CNOT10: variants seen among roughly 807,000 people sequenced by gnomAD.
CNOT10 encodes CCR4-NOT transcription complex subunit 10, also known as CCR4-NOT transcription complex, subunit 10.
In CNOT10, 30 loss-of-function variants were observed where a neutral mutation model predicts 94.6. The ratio of observed to expected loss-of-function variants is 0.32; its 90% CI spans 0.24 to 0.43. CNOT10 has a LOEUF of 0.43. CNOT10 is among the 20% of genes least tolerant of loss of function. The pLI, the probability that CNOT10 is intolerant of heterozygous loss-of-function variation, is 1.00. For synonymous variants in CNOT10, 289 were observed against 301.6 expected, an observed-to-expected ratio of 0.96 and a Z score of 0.43; for missense variants, 759 against 877.2, an observed-to-expected ratio of 0.87 and a Z score of 1.70.
chr3:32,715,988 G>A, intron 5 of CNOT10: 1 of 342,226 alleles, frequency 2.9e-6, no homozygotes, highest in Non-Finnish European at 5.3e-6. Context: ...TGTATTTTTT[G>A]TAGAGATGCG....
chr3:32,698,190 T>C (rs1697167275), intron 1 of CNOT10, among the ~76,000 whole-genome samples: 1 of 152,234 alleles, frequency 6.6e-6, no homozygotes, highest in Admixed American at 6.5e-5. Flanking sequence ...CCTTTGAAAC[T>C]GGCAAACTTT....
chr3:32,720,420 T>A (rs772736433), intron 8 of CNOT10, among the ~76,000 whole-genome samples, 189 bp downstream of exon 8: 1 of 152,176 alleles, frequency 6.6e-6, no homozygotes, highest in Non-Finnish European at 1.5e-5. Context: ...TCATTACTTC[T>A]TGCTTTCACT....
intron 10 of CNOT10, among the ~76,000 whole-genome samples, chr3:32,731,850 G>A (rs1223864598): frequency 2.6e-5 from 4 of 151,846 alleles, no homozygotes; most frequent in Non-Finnish European, 1.5e-5. Context: ...AGGCTGAGGC[G>A]GGTGGATCAG....
At chr3:32,694,895 T>C (rs1010476590) in intron 1 of CNOT10, among the ~76,000 whole-genome samples, 1 of 152,054 alleles carries the variant, frequency 6.6e-6, no homozygotes, top group African/African-American at 2.4e-5. Flanking sequence ...AGCCTAACTT[T>C]TATATTTTTA....
At chr3:32,772,686 G>A (rs1460935844) in intron 18 of CNOT10, among the ~76,000 whole-genome samples, 1 of 152,024 alleles carries the variant, frequency 6.6e-6, no homozygotes, top group Non-Finnish European at 1.5e-5. Flanking sequence ...CACAGAACAA[G>A]ACTCTGTCTC....
chr3:32,696,053 T>C (rs1697050590), intron 1 of CNOT10, among the ~76,000 whole-genome samples: 1 of 147,810 alleles, frequency 6.8e-6, no homozygotes, highest in African/African-American at 2.5e-5. Flanking sequence ...TGGTGACTCA[T>C]GCTGGTAATC....
intron 16 of CNOT10, 71 bp downstream of exon 16, chr3:32,764,561 G>A: frequency 6.2e-7 from 1 of 1,604,822 alleles, no homozygotes; most frequent in Admixed American, 1.7e-5. Flanking sequence ...TAAATCTTCT[G>A]TGTTCGTTTT....
intron 13 of CNOT10, among the ~76,000 whole-genome samples, chr3:32,750,786 G>A (rs112574789): frequency 0.039 from 5,975 of 152,040 alleles, 187 homozygotes; most frequent in African/African-American, 0.079. Flanking sequence ...TCCTGACCTC[G>A]TGATCTGCCT....
chr3:32,770,317 ATTTTTTTTTT>A (rs57427218), intron 18 of CNOT10, among the ~76,000 whole-genome samples: 4 of 46,280 alleles, frequency 8.6e-5, no homozygotes, highest in Non-Finnish European at 1.6e-4. Flanking sequence ...CAAGGCTGAG[ATTTTTTTTTT>A]TTTTTTTTTT....
intron 3 of CNOT10, among the ~76,000 whole-genome samples, 160 bp downstream of exon 3, chr3:32,705,132 T>C (rs1697555086): frequency 3.3e-5 from 5 of 152,290 alleles, no homozygotes; most frequent in African/African-American, 1.2e-4. Context: ...TTCCAGGAGA[T>C]AAAAGGTATG....
chr3:32,754,676 C>T (rs1186877820), intron 13 of CNOT10, among the ~76,000 whole-genome samples: 1 of 147,996 alleles, frequency 6.8e-6, no homozygotes. Flanking sequence ...CATGCGCTAC[C>T]ACGCCCAGCT....
chr3:32,725,368 G>T (rs76520124), intron 8 of CNOT10, 82 bp from the exon 9 acceptor site: 1 of 1,030,382 alleles, frequency 9.7e-7, no homozygotes, highest in Non-Finnish European at 1.5e-6. Context: ...GTGTTAACTC[G>T]TGCAAGATGA....
intron 5 of CNOT10, among the ~76,000 whole-genome samples, chr3:32,714,953 C>A (rs1376827871): frequency 1.3e-5 from 2 of 152,172 alleles, no homozygotes; most frequent in Non-Finnish European, 2.9e-5. Context: ...AAATAAACAT[C>A]TGGCATTACT....
intron 13 of CNOT10, among the ~76,000 whole-genome samples, chr3:32,737,755 G>A (rs536867690): frequency 2.8e-4 from 43 of 152,022 alleles, no homozygotes; most frequent in African/African-American, 9.6e-4. Context: ...CCCGGGAGGC[G>A]GAGGTTGCAG....
At chr3:32,708,240 T>C (rs1413291189) in intron 3 of CNOT10, among the ~76,000 whole-genome samples, 1 of 152,150 alleles carries the variant, frequency 6.6e-6, no homozygotes, top group Non-Finnish European at 1.5e-5. Flanking sequence ...TTTTACAAAA[T>C]GAAATCAAAC....
intron 1 of CNOT10, among the ~76,000 whole-genome samples, chr3:32,689,601 A>C (rs749902350): frequency 6.6e-6 from 1 of 152,154 alleles, no homozygotes; most frequent in Non-Finnish European, 1.5e-5. Context: ...CTCCCCGAAG[A>C]TAGAGACTTT....
intron 1 of CNOT10, among the ~76,000 whole-genome samples, chr3:32,703,078 A>ATTTTTTTTTTTTTTTTTTT (rs67920905): frequency 8.0e-6 from 1 of 124,254 alleles, no homozygotes; most frequent in Non-Finnish European, 1.6e-5. Flanking sequence ...CGCCAAGCTA[A>ATTTTTTTTTTTTTTTTTTT]TTTTTTTTTT....
intron 8 of CNOT10, among the ~76,000 whole-genome samples, chr3:32,720,913 TCCTTCCTTCCTTCCTTCCTTCCCTTCTTC>T (rs1284991614): frequency 1.4e-5 from 2 of 138,518 alleles, no homozygotes; most frequent in South Asian, 2.5e-4. Flanking sequence ...CTTCCTTCCT[TCCTTCCTTCCTTCCTTCCTTCCCTTCTTC>T]CCTTCCTTCC....
Position 32,702,403 on chromosome 3 carries a change from A to G in CNOT10, c.23-1465A>G, listed in dbSNP as rs185918526. 1.9e-3 allele frequency among the ~76,000 whole-genome samples: 282 copies of G among 152,358 alleles called. 1 individual carries two copies. Among genetic ancestry groups the G allele is most frequent in the African/African-American group, 6.6e-3 (273 of 41,590 alleles). On this transcript the variant is annotated intron_variant, in intron 1 of 18. Transcript: ENST00000328834. ...AATTCTATTTTCAAATTAAAACAAA[A>G]AGCAAAACATCTAATATTTAAAATA...
Sources: allele counts gnomAD v4.1 joint callset (sites outside exome capture counted in the v4.1 genomes callset), GRCh38; gene constraint gnomAD v4.1.1; transcripts MANE v1.5; gene names NCBI Gene and HGNC (gene_info 2026-07-23, HGNC 2026-07-21).